Variants in DDB1 observed in about 807,000 individuals in gnomAD.
The protein encoded by DDB1 is damage specific DNA binding protein 1, also known as DNA damage-binding protein 1.
DDB1 carries 18 observed loss-of-function variants against 133.1 expected under a neutral mutation model. The observed-to-expected ratio is 0.14, with a 90% confidence interval of 0.09 to 0.20. The LOEUF (loss-of-function observed/expected upper bound fraction) is 0.20, where lower values mean the gene tolerates loss of function less well. Among genes scored for constraint, DDB1 ranks in the 10% least tolerant of loss-of-function variants. The pLI is 1.00. For synonymous variants in DDB1, 580 were observed against 550.5 expected, an observed-to-expected ratio of 1.05 and a Z score of -0.75; for missense variants, 828 against 1,459.2, an observed-to-expected ratio of 0.57 and a Z score of 7.05.
intron 5 of DDB1, among the ~76,000 whole-genome samples, 178 bp downstream of exon 5, chr11:61,326,601 A>C (rs1206008044): frequency 6.6e-6 from 1 of 152,216 alleles, no homozygotes; most frequent in Non-Finnish European, 1.5e-5. Flanking sequence ...AGAAAATCTC[A>C]AAGACAGAAA....
chr11:61,302,460 A>AT (rs1855813866), intron 24 of DDB1, 101 bp from the exon 25 acceptor site: 4 of 1,566,662 alleles, frequency 2.6e-6, no homozygotes, highest in Non-Finnish European at 3.5e-6. Context: ...GGGAGGGCTA[A>AT]TGTGCTGCAG....
chr11:61,314,638 A>G, intron 12 of DDB1, 152 bp from the exon 13 acceptor site: 2 of 749,924 alleles, frequency 2.7e-6, no homozygotes, highest in Non-Finnish European at 4.1e-6. Flanking sequence ...TAATGATTAC[A>G]ATAGATGTCA....
intron 7 of DDB1, chr11:61,323,576 C>G: frequency 4.0e-6 from 1 of 247,074 alleles, no homozygotes; most frequent in South Asian, 5.5e-5. Context: ...CCATACCCAC[C>G]TAATTTTTGT....
In DDB1 at chr11:61,325,604, C is replaced by T. The variant is rs56207912; in HGVS notation, c.762+7G>A. 1,050 of 1,611,216 alleles carry T rather than the reference C, an allele frequency of 6.5e-4. 2 individuals carry two copies. The highest frequency in any genetic ancestry group is 5.7e-3 in the African/African-American group (429 of 74,980). ...ATGAAAGGAAAAAAAGGTAGGACTG[C>T]GCTCACCTTGATGATAGGAGGGGCA... On this transcript the variant is annotated splice_region_variant and intron_variant, in intron 6 of 26. Transcript: ENST00000301764.
chr11:61,328,674 G>A (rs575414733), intron 4 of DDB1, among the ~76,000 whole-genome samples: 17 of 152,174 alleles, frequency 1.1e-4, no homozygotes, highest in African/African-American at 3.1e-4. Context: ...AGTTTGAGAC[G>A]ATTCTGGCCA....
At chr11:61,314,712 T>C in intron 12 of DDB1, 1 of 461,648 alleles carries the variant, frequency 2.2e-6, no homozygotes, top group Non-Finnish European at 3.8e-6. Context: ...AACCTACAGC[T>C]GGTGGGGAAA....
At chr11:61,332,635 C>T (rs1181559377) in intron 1 of DDB1, 3 of 363,540 alleles carry the variant, frequency 8.3e-6, no homozygotes, top group Non-Finnish European at 1.5e-5. Flanking sequence ...CCAACTCACA[C>T]TCCTCTGTCT....
chr11:61,310,703 T>C (rs184560816), intron 18 of DDB1: 146 of 247,924 alleles, frequency 5.9e-4, no homozygotes, highest in African/African-American at 2.9e-3. Context: ...GGGGACAGAC[T>C]CCACTACCCT....
chr11:61,311,501 T>G (rs1038904514), intron 18 of DDB1, among the ~76,000 whole-genome samples: 1 of 151,572 alleles, frequency 6.6e-6, no homozygotes, highest in Non-Finnish European at 1.5e-5. Context: ...CCAAACCCCA[T>G]GTTCCTCCTC....
chr11:61,331,500 C>G (rs1237940419), intron 2 of DDB1, 43 bp downstream of exon 2: 8 of 1,596,342 alleles, frequency 5.0e-6, no homozygotes, highest in South Asian at 4.4e-5. Context: ...AACCTACGAC[C>G]AACAGTTCCC....
At chr11:61,311,718 CT>C in intron 18 of DDB1, 65 bp downstream of exon 18, 1 of 1,427,772 alleles carries the variant, frequency 7.0e-7, no homozygotes, top group South Asian at 1.3e-5. Flanking sequence ...CCTTCACTAC[CT>C]GGCCTGTACA....
intron 9 of DDB1, chr11:61,322,057 C>T (rs1227745302): frequency 3.6e-6 from 2 of 560,292 alleles, no homozygotes; most frequent in African/African-American, 3.7e-5. Flanking sequence ...TTCCTCACTT[C>T]TGAGATGGCC....
intron 21 of DDB1, among the ~76,000 whole-genome samples, chr11:61,308,781 C>T (rs891372089): frequency 2.6e-5 from 4 of 152,208 alleles, no homozygotes; most frequent in African/African-American, 9.7e-5. Context: ...ATCTGAAACA[C>T]ATGGGGGTTC....
At chr11:61,331,872 G>C in intron 1 of DDB1, 181 bp from the exon 2 acceptor site, 7 of 726,922 alleles carry the variant, frequency 9.6e-6, no homozygotes, top group Non-Finnish European at 1.5e-5. Context: ...CTCAGTTCAT[G>C]CATTCAACAA....
chr11:61,330,230 A>T, intron 2 of DDB1, 156 bp from the exon 3 acceptor site: 1 of 587,936 alleles, frequency 1.7e-6, no homozygotes, highest in Non-Finnish European at 3.0e-6. Context: ...CTAGGTACAC[A>T]TACACCCTAA....
At chr11:61,301,401 AAAAAC>A (rs1410441289) in intron 25 of DDB1, 1 of 153,294 alleles carries the variant, frequency 6.5e-6, no homozygotes, top group Admixed American at 6.5e-5. Flanking sequence ...TGTCTCTACA[AAAAAC>A]AAAATTTTTT....
At chr11:61,304,569 G>GC (rs1565238888) in intron 21 of DDB1, among the ~76,000 whole-genome samples, 2 of 152,072 alleles carry the variant, frequency 1.3e-5, no homozygotes, top group Non-Finnish European at 2.9e-5. Flanking sequence ...CTACCACCCC[G>GC]CAAGAGGGAA....
At chr11:61,311,126 C>T (rs1855958560) in intron 18 of DDB1, 1 of 152,572 alleles carries the variant, frequency 6.6e-6, no homozygotes, top group East Asian at 1.9e-4. Context: ...GTGGCACGCG[C>T]CTGTAATCCC....
intron 6 of DDB1, chr11:61,324,518 A>G (rs950257629): frequency 5.3e-6 from 1 of 189,582 alleles, no homozygotes; most frequent in African/African-American, 2.3e-5. Context: ...CAATGCTACC[A>G]CAGATTTTGT....
Sources: allele counts gnomAD v4.1 joint callset (sites outside exome capture counted in the v4.1 genomes callset), GRCh38; gene constraint gnomAD v4.1.1; transcripts MANE v1.5; gene names NCBI Gene and HGNC (gene_info 2026-07-23, HGNC 2026-07-21).